The following PCLO variants were observed in gnomAD, a reference collection of about 807,000 sequenced individuals.
PCLO encodes protein piccolo.
Under a neutral mutation model 427.5 loss-of-function variants are expected in PCLO, and 82 were observed. The observed-to-expected ratio is 0.19, with a 90% CI of 0.16 to 0.23. The LOEUF (loss-of-function observed/expected upper bound fraction) is 0.23. Ranked by LOEUF, PCLO falls within the 10% of genes least tolerant of loss-of-function variation. The pLI, the probability that PCLO is intolerant of heterozygous loss-of-function variation, is 1.00. For missense variants in PCLO, 6,239 were observed against 6,115.9 expected, an observed-to-expected ratio of 1.02 and a Z score of -0.67; for synonymous variants, 2,357 against 2,155.4, an observed-to-expected ratio of 1.09 and a Z score of -2.59.
At chr7:82,982,431 G>T (rs2115784169) in intron 3 of PCLO, among the ~76,000 whole-genome samples, 1 of 152,058 alleles carries the variant, frequency 6.6e-6, no homozygotes, top group South Asian at 2.1e-4. Flanking sequence ...GTTTGACGGG[G>T]TATTTACTAT....
At chr7:82,787,126 G>T (rs1024319820) in intron 22 of PCLO, among the ~76,000 whole-genome samples, 11 of 151,926 alleles carry the variant, frequency 7.2e-5, no homozygotes, top group Non-Finnish European at 2.9e-5. Flanking sequence ...TGGGTCAAAT[G>T]GTATTTCTAG....
rs756300036 is a variant in PCLO at position 82,950,464 on chromosome 7, G to A, written c.10124C>T (p.Thr3375Ile). Residue 3375 changes from threonine to isoleucine, a missense_variant, in exon 6 of 25, where the codon ACC becomes ATC. Physicochemically the swap from Thr to Ile is moderately conservative, Grantham distance 89 (BLOSUM62 -1). This residue lies in a region of PCLO where 4,677 missense variants were observed against 4,468.4 expected (regional missense o/e 1.05). Transcript: ENST00000333891. ...IEIPQSQGWY[T>I]VQSDGVTQYI... ...CTGAGTAACACCATCAGACTGAACG[G>A]TGTACCATCCTTGGCTTTGTGGTAT... 1 of 1,613,726 alleles carries A rather than the reference G, an allele frequency of 6.2e-7. No homozygotes were observed. Among genetic ancestry groups the A allele is most frequent in the South Asian group, 1.1e-5 (1 of 91,068 alleles).
At chr7:82,776,773 A>C (rs944184829) in intron 22 of PCLO, among the ~76,000 whole-genome samples, 1 of 152,096 alleles carries the variant, frequency 6.6e-6, no homozygotes, top group African/African-American at 2.4e-5. Context: ...CTAGCCTGGA[A>C]GACACAGCGA....
At chr7:82,761,874 T>C (rs1294528476) in intron 22 of PCLO, among the ~76,000 whole-genome samples, 1 of 152,024 alleles carries the variant, frequency 6.6e-6, no homozygotes, top group African/African-American at 2.4e-5. Context: ...AAGAAATGCA[T>C]GTAGATAAAT....
In PCLO at chr7:82,954,991, C is replaced by T. The variant is rs2116449074; in HGVS notation, c.5962G>A (p.Gly1988Arg). Residue 1988 changes from glycine (G) to arginine (R), a missense_variant, in exon 5 of 25, where the codon GGA (glycine) becomes AGA (arginine). By Grantham distance (125) the Gly-to-Arg change is moderately radical (BLOSUM62 -2). Transcript: ENST00000333891. The stretch of plus-strand genomic sequence containing the variant: ...GAAAGTCTTATCTTTTGCTCTCTTC[C>T]TTTCTGCTGCATAAATCCATTTTCT... ...EEENGFMQQK[G>R]REQKIRLSEQ... 6.2e-7 allele frequency: 1 copy of T among 1,613,736 alleles called. No homozygotes were observed. Among genetic ancestry groups the T allele is most frequent in the East Asian group, 2.2e-5 (1 of 44,872 alleles).
chr7:82,863,482 T>TA (rs1793014910), intron 10 of PCLO, among the ~76,000 whole-genome samples: 1 of 151,894 alleles, frequency 6.6e-6, no homozygotes, highest in Admixed American at 6.6e-5. Flanking sequence ...ATAAATAACA[T>TA]AAAAAATCAA....
chr7:83,138,396 C>T (rs1740001446), intron 2 of PCLO, among the ~76,000 whole-genome samples: 1 of 152,176 alleles, frequency 6.6e-6, no homozygotes, highest in Non-Finnish European at 1.5e-5. Context: ...CGCTGTGGCT[C>T]AGGCCTGTAA....
chr7:82,927,416 G>C lies in PCLO; in HGVS notation c.11113-10543C>G, dbSNP rs114319190. Among the ~76,000 whole-genome samples the C allele has an allele frequency of 8.4e-3, 1,282 of 152,136 alleles. 24 individuals are homozygous for C. Among genetic ancestry groups the C allele is most frequent in the African/African-American group, 0.028 (1,156 of 41,492 alleles). On this transcript the variant is annotated intron_variant, in intron 6 of 24. Coordinates refer to ENST00000333891, the MANE Select transcript of PCLO (RefSeq NM_033026.6). ...CCTAGAACAATCCATGTATGCATTC[G>C]TGTTTTTGAATTTTCAGTCTGGAGC...
At chr7:82,996,542 C>G (rs1403626498) in intron 3 of PCLO, among the ~76,000 whole-genome samples, 2 of 151,942 alleles carry the variant, frequency 1.3e-5, no homozygotes, top group African/African-American at 2.4e-5. Flanking sequence ...AAATGTAAAT[C>G]TGTGTATGGC....
chr7:82,796,266 G>A (rs368577136), intron 22 of PCLO, among the ~76,000 whole-genome samples: 1 of 152,030 alleles, frequency 6.6e-6, no homozygotes. Context: ...GAATAATCCA[G>A]GACTAGAAAT....
intron 10 of PCLO, among the ~76,000 whole-genome samples, chr7:82,870,199 T>C (rs1793198227): frequency 6.6e-6 from 1 of 151,918 alleles, no homozygotes; most frequent in African/African-American, 2.4e-5. Context: ...TATACTACAA[T>C]GGTATACTAA....
intron 20 of PCLO, among the ~76,000 whole-genome samples, chr7:82,813,919 A>G (rs2115587225): frequency 6.6e-6 from 1 of 151,976 alleles, no homozygotes; most frequent in Non-Finnish European, 1.5e-5. Context: ...GATAATCTTC[A>G]GTTTTTCTAT....
At chr7:82,988,671 C>T (rs959083941) in intron 3 of PCLO, among the ~76,000 whole-genome samples, 2 of 151,978 alleles carry the variant, frequency 1.3e-5, no homozygotes, top group Non-Finnish European at 2.9e-5. Context: ...AATTATGATA[C>T]ATGTAAGGTA....
At chr7:83,145,068 T>C (rs150481987) in intron 2 of PCLO, among the ~76,000 whole-genome samples, 560 of 152,302 alleles carry the variant, frequency 3.7e-3, no homozygotes, top group African/African-American at 0.013. Flanking sequence ...ATATGTACTT[T>C]TTCATATTCT....
intron 13 of PCLO, among the ~76,000 whole-genome samples, chr7:82,842,305 T>A (rs920840065): frequency 6.6e-6 from 1 of 152,076 alleles, no homozygotes; most frequent in African/African-American, 2.4e-5. Context: ...ATAGTCTCTC[T>A]AATAAATGGT....
intron 20 of PCLO, chr7:82,822,226 A>T (rs1039164649): frequency 7.6e-7 from 1 of 1,315,970 alleles, no homozygotes; most frequent in Admixed American, 3.3e-5. Context: ...CATCACAGAC[A>T]CTGTATCAAA....
chr7:82,887,116 C>T (rs6979734), intron 9 of PCLO, among the ~76,000 whole-genome samples: 8,853 of 152,092 alleles, frequency 0.058, 845 homozygotes, highest in African/African-American at 0.2. Flanking sequence ...TTTGCGTTGC[C>T]TTTCTTTAAC....
chr7:82,808,193 G>A (rs1431098125), intron 20 of PCLO, among the ~76,000 whole-genome samples: 8 of 151,618 alleles, frequency 5.3e-5, no homozygotes, highest in African/African-American at 1.9e-4. Flanking sequence ...TTCATCAATT[G>A]GAAAATCACA....
chr7:83,038,120 C>T (rs1371770754), intron 3 of PCLO, among the ~76,000 whole-genome samples: 2 of 87,608 alleles, frequency 2.3e-5, no homozygotes, highest in Non-Finnish European at 4.8e-5. Context: ...TATATATATG[C>T]ACACACACAC....
Sources: gnomAD v4.1 joint callset for allele counts (sites outside exome capture counted in the v4.1 genomes callset) on GRCh38, gnomAD v4.1.1 for gene constraint, gnomAD v4.1.1 regional missense constraint, MANE v1.5 for transcripts, NCBI Gene and HGNC (gene_info 2026-07-23, HGNC 2026-07-21) for gene names.